The following PAK1 variants were observed in gnomAD, a reference collection of about 807,000 sequenced individuals.
PAK1 encodes the protein serine/threonine-protein kinase PAK 1.
PAK1 carries 29 observed loss-of-function variants against 67.4 expected under a neutral mutation model. That is an observed-to-expected ratio of 0.43 (90% confidence interval 0.32 to 0.59). The LOEUF (loss-of-function observed/expected upper bound fraction) is 0.59. Among genes scored for constraint, PAK1 ranks in the 20% least tolerant of loss-of-function variants. The pLI is 0.07. For synonymous variants in PAK1, 223 were observed against 237.4 expected (o/e 0.94, Z 0.56); for missense variants, 337 against 670.7 (o/e 0.50, Z 5.50).
At chr11:77,404,513 C>T (rs1953183197) in intron 1 of PAK1, among the ~76,000 whole-genome samples, 2 of 152,086 alleles carry the variant, frequency 1.3e-5, no homozygotes, top group South Asian at 2.1e-4. Flanking sequence ...GTGATCCACC[C>T]ACCTCGGCCT....
chr11:77,336,037 A>T (rs1222851124), intron 13 of PAK1, 49 bp downstream of exon 13: 1 of 1,213,044 alleles, frequency 8.2e-7, no homozygotes, highest in South Asian at 1.4e-5. Flanking sequence ...ATTTCCTGGG[A>T]CTAGAGACAA....
intron 1 of PAK1, among the ~76,000 whole-genome samples, chr11:77,398,669 C>T (rs190446888): frequency 6.6e-6 from 1 of 152,200 alleles, no homozygotes; most frequent in African/African-American, 2.4e-5. Context: ...CTTCAATATA[C>T]CAATTTCCTT....
intron 1 of PAK1, among the ~76,000 whole-genome samples, chr11:77,410,758 T>TA (rs1319531555): frequency 1.3e-5 from 2 of 151,002 alleles, no homozygotes; most frequent in Non-Finnish European, 2.9e-5. Flanking sequence ...GAGGAAGACG[T>TA]AGAGTCATGA....
At chr11:77,339,325 G>A (rs1417244429) in intron 11 of PAK1, among the ~76,000 whole-genome samples, 1 of 151,872 alleles carries the variant, frequency 6.6e-6, no homozygotes, top group African/African-American at 2.4e-5. Flanking sequence ...GGGTAAGGGG[G>A]TGGGGTGAAA....
At chr11:77,484,441 C>T in the PAK1 span, among the ~76,000 whole-genome samples, 1 of 152,166 alleles carries the variant, frequency 6.6e-6, no homozygotes, top group Non-Finnish European at 1.5e-5. Flanking sequence ...GTATTCTAAG[C>T]TCGTTTTAGT....
chr11:77,409,291 A>G (rs1224322569), intron 1 of PAK1, among the ~76,000 whole-genome samples: 1 of 152,080 alleles, frequency 6.6e-6, no homozygotes, highest in Middle Eastern at 3.2e-3. Context: ...AAAGAAAAAG[A>G]CAGGCAATAA....
At chr11:77,407,872 G>A (rs751270157) in intron 1 of PAK1, among the ~76,000 whole-genome samples, 5 of 152,194 alleles carry the variant, frequency 3.3e-5, no homozygotes, top group African/African-American at 9.7e-5. Flanking sequence ...ATGAGTGTTT[G>A]TTTGGCTATG....
chr11:77,443,890 T>C (rs757421981), intron 1 of PAK1, among the ~76,000 whole-genome samples: 2 of 152,202 alleles, frequency 1.3e-5, no homozygotes, highest in Non-Finnish European at 2.9e-5. Flanking sequence ...AAGTTGTCTG[T>C]CAATGAAAAT....
intron 1 of PAK1, among the ~76,000 whole-genome samples, chr11:77,405,975 T>C (rs1953494668): frequency 6.6e-6 from 1 of 152,174 alleles, no homozygotes; most frequent in Non-Finnish European, 1.5e-5. Flanking sequence ...CTCTCTTCTC[T>C]TTCAAATACT....
At chr11:77,326,808 A>G (rs1003499576) in intron 14 of PAK1, among the ~76,000 whole-genome samples, 3 of 152,242 alleles carry the variant, frequency 2.0e-5, no homozygotes, top group African/African-American at 7.2e-5. Context: ...ACGAGTTGAA[A>G]GAAGGCCTCA....
intron 1 of PAK1, among the ~76,000 whole-genome samples, chr11:77,412,697 T>C (rs1457725837): frequency 6.6e-6 from 1 of 152,172 alleles, no homozygotes; most frequent in East Asian, 1.9e-4. Context: ...AACTGTGGAT[T>C]ACAGGCATGA....
intron 1 of PAK1, among the ~76,000 whole-genome samples, chr11:77,432,444 G>A (rs1250601743): frequency 6.6e-6 from 1 of 150,688 alleles, no homozygotes; most frequent in East Asian, 1.9e-4. Flanking sequence ...GCAATTAGGT[G>A]GAAAAAAAAA....
Position 77,329,762 on chromosome 11 carries a change from T to C in PAK1, c.1551+2968A>G, listed in dbSNP as rs533543667. Among the ~76,000 whole-genome samples the C allele has an allele frequency of 6.0e-3, 917 of 152,028 alleles. 7 individuals are homozygous for C. The highest frequency in any genetic ancestry group is 0.034 in the Middle Eastern group (10 of 294). On this transcript the variant is annotated intron_variant, in intron 14 of 14. Transcript: ENST00000356341. ...CCTCTCTCACCACTCCTATTCAACA[T>C]AGTGTTGGAAGTTCTGGCCAGGGCA... is the stretch of plus-strand genomic sequence containing the variant.
the PAK1 span, among the ~76,000 whole-genome samples, chr11:77,512,700 CTAT>C: frequency 1.3e-5 from 2 of 152,124 alleles, no homozygotes; most frequent in Non-Finnish European, 2.9e-5. Flanking sequence ...CTATGAGTAC[CTAT>C]TATGTGTCAG....
At chr11:77,461,982 T>C (rs1367294426) in intron 1 of PAK1, among the ~76,000 whole-genome samples, 3 of 152,096 alleles carry the variant, frequency 2.0e-5, no homozygotes, top group African/African-American at 7.2e-5. Context: ...TTAAAGGAAA[T>C]GAAGAAAGAT....
chr11:77,508,356 C>G, the PAK1 span, among the ~76,000 whole-genome samples: 1 of 152,132 alleles, frequency 6.6e-6, no homozygotes, highest in African/African-American at 2.4e-5. Flanking sequence ...GAGTCATTAT[C>G]CCCATTTTTA....
chr11:77,354,947 C>T (rs751677886), intron 7 of PAK1, among the ~76,000 whole-genome samples: 4 of 152,150 alleles, frequency 2.6e-5, no homozygotes, highest in Non-Finnish European at 5.9e-5. Flanking sequence ...CCCTAACATA[C>T]CCCCATTTCT....
Position 77,390,346 on chromosome 11 carries a change from G to A in PAK1, c.190+1985C>T, listed in dbSNP as rs540019011. Among the ~76,000 whole-genome samples the A allele has an allele frequency of 8.6e-5, 13 of 151,782 alleles. No individual in the cohort carries two copies. The South Asian group carries it at 1.0e-3, about 12-fold the overall frequency. On this transcript the variant is annotated intron_variant, in intron 2 of 14. Transcript: ENST00000356341. ...CTCCTGAGTAGCTGGGATTATAGGC[G>A]CCTGCCAGCATGCCCAGCTGATTTT...
At chr11:77,487,980 T>C in the PAK1 span, among the ~76,000 whole-genome samples, 1 of 152,206 alleles carries the variant, frequency 6.6e-6, no homozygotes, top group Non-Finnish European at 1.5e-5. Context: ...CCCAGTTATG[T>C]ACTGGCTTTA....
Sources: gnomAD v4.1 joint callset for allele counts (sites outside exome capture counted in the v4.1 genomes callset) on GRCh38, gnomAD v4.1.1 for gene constraint, MANE v1.5 for transcripts, NCBI Gene and HGNC (gene_info 2026-07-23, HGNC 2026-07-21) for gene names.